Variants in ESRRG observed in about 807,000 individuals in gnomAD.
ESRRG encodes estrogen-related receptor gamma.
ESRRG carries 13 observed loss-of-function variants against 44.0 expected under a neutral mutation model. The ratio of observed to expected loss-of-function variants is 0.30; its 90% CI spans 0.19 to 0.47. The LOEUF is 0.47. Among genes scored for constraint, ESRRG ranks in the 20% least tolerant of loss-of-function variants. The pLI, the probability that ESRRG is intolerant of heterozygous loss-of-function variation, is 1.00. For synonymous variants in ESRRG, 215 were observed against 214.6 expected (o/e 1.00, Z -0.02); for missense variants, 395 against 580.6 (o/e 0.68, Z 3.29).
intron 1 of ESRRG, among the ~76,000 whole-genome samples, chr1:217,040,730 T>G (rs1357425924): frequency 2.0e-5 from 3 of 152,156 alleles, no homozygotes; most frequent in Admixed American, 1.3e-4. Flanking sequence ...GTTCAGTAAT[T>G]TGCCCAATAA....
chr1:216,684,636 G>C (rs1004130016), intron 1 of ESRRG, among the ~76,000 whole-genome samples: 1 of 152,190 alleles, frequency 6.6e-6, no homozygotes, highest in Non-Finnish European at 1.5e-5. Flanking sequence ...TATGAACCGT[G>C]ATTCTGCTTA....
At chr1:216,901,794 C>T (rs1168254606) in intron 2 of ESRRG, among the ~76,000 whole-genome samples, 2 of 151,996 alleles carry the variant, frequency 1.3e-5, no homozygotes, top group East Asian at 3.9e-4. Context: ...GGGTCTCACT[C>T]TGCTGCCCAG....
At chr1:216,989,450 A>AAAC (rs1553757484) in intron 1 of ESRRG, among the ~76,000 whole-genome samples, 27 of 142,550 alleles carry the variant, frequency 1.9e-4, no homozygotes, top group South Asian at 2.2e-4. Context: ...AAAAAAAAAA[A>AAAC]CACAGTGGGA....
intron 1 of ESRRG, among the ~76,000 whole-genome samples, chr1:217,095,145 T>C (rs1288684313): frequency 6.6e-6 from 1 of 152,208 alleles, no homozygotes; most frequent in Non-Finnish European, 1.5e-5. Context: ...GTAAGAATCA[T>C]TTATTTAAAA....
intron 5 of ESRRG, among the ~76,000 whole-genome samples, chr1:216,550,273 T>A (rs915530059): frequency 2.0e-5 from 3 of 152,150 alleles, no homozygotes; most frequent in Non-Finnish European, 4.4e-5. Flanking sequence ...GTTCTGATAT[T>A]TAATGATTGC....
chr1:217,013,448 G>C lies in ESRRG; in HGVS notation c.-105-73775C>G, dbSNP rs190165267. ...AAAATTGCATAACTTTTGTTGTTTT[G>C]CTTCCATGTCCATGGACATTTGAAC... On this transcript the variant is annotated intron_variant, in intron 1 of 7. Coordinates refer to the ESRRG transcript ENST00000359162. Among the ~76,000 whole-genome samples the C allele has an allele frequency of 1.4e-4, 22 of 152,228 alleles. No individual in the cohort carries two copies. In the South Asian group the frequency reaches 4.1e-3, roughly 29 times the overall value.
At chr1:216,786,055 T>A (rs975793304) in intron 2 of ESRRG, among the ~76,000 whole-genome samples, 11 of 152,090 alleles carry the variant, frequency 7.2e-5, no homozygotes, top group Non-Finnish European at 1.5e-4. Context: ...TCCCTAAAGG[T>A]CAGCCACCAG....
At chr1:216,772,210 A>C (rs561886685) in intron 2 of ESRRG, among the ~76,000 whole-genome samples, 1 of 152,280 alleles carries the variant, frequency 6.6e-6, no homozygotes, top group African/African-American at 2.4e-5. Flanking sequence ...TGTTCACACC[A>C]ATAGTAAAAG....
At chr1:216,764,234 C>G (rs1331461346) in intron 2 of ESRRG, among the ~76,000 whole-genome samples, 1 of 148,946 alleles carries the variant, frequency 6.7e-6, no homozygotes, top group Non-Finnish European at 1.5e-5. Context: ...GAGATTGAGT[C>G]TTGCTAGTCT....
At chr1:216,931,594 G>T (rs1353132767) in intron 2 of ESRRG, among the ~76,000 whole-genome samples, 1 of 151,842 alleles carries the variant, frequency 6.6e-6, no homozygotes, top group Non-Finnish European at 1.5e-5. Flanking sequence ...CTCCCAACTG[G>T]CCCAATTGGC....
chr1:217,087,868 A>C (rs1008225216), intron 1 of ESRRG, among the ~76,000 whole-genome samples: 1 of 152,184 alleles, frequency 6.6e-6, no homozygotes, highest in African/African-American at 2.4e-5. Context: ...TTCTATTTGA[A>C]GGAGATGAAA....
chr1:216,658,872 AG>A (rs1429215640), intron 2 of ESRRG, among the ~76,000 whole-genome samples: 2 of 89,992 alleles, frequency 2.2e-5, no homozygotes, highest in African/African-American at 6.4e-5. Context: ...AGAGAAGAGA[AG>A]AGAAGAGAAG....
At chr1:217,063,655 G>A (rs1200522688) in intron 1 of ESRRG, among the ~76,000 whole-genome samples, 1 of 152,152 alleles carries the variant, frequency 6.6e-6, no homozygotes, top group East Asian at 1.9e-4. Flanking sequence ...GCTATCCTGA[G>A]GCAGAAGAGA....
chr1:216,768,497 TCTATA>T (rs1416740996), intron 2 of ESRRG, among the ~76,000 whole-genome samples: 313 of 151,876 alleles, frequency 2.1e-3, no homozygotes, highest in African/African-American at 7.2e-3. Context: ...TATCTATCTA[TCTATA>T]TTTTAGAGGC....
intron 2 of ESRRG, among the ~76,000 whole-genome samples, chr1:216,663,649 A>T (rs1459541544): frequency 1.3e-5 from 2 of 152,124 alleles, no homozygotes; most frequent in Non-Finnish European, 2.9e-5. Flanking sequence ...GAAAAACAAA[A>T]AAAAGAGACC....
chr1:217,073,197 CAAAAAAAAAAAAAAAAA>C (rs34950214), intron 1 of ESRRG, among the ~76,000 whole-genome samples: 16 of 75,980 alleles, frequency 2.1e-4, no homozygotes, highest in East Asian at 6.9e-4. Context: ...CCTTTCTGGA[CAAAAAAAAAAAAAAAAA>C]AAAAAAAAAA....
intron 1 of ESRRG, among the ~76,000 whole-genome samples, chr1:216,709,706 TTGGAGGGA>T (rs2083214071): frequency 1.3e-5 from 2 of 149,050 alleles, no homozygotes; most frequent in African/African-American, 5.0e-5. Context: ...AAAAAAAAAA[TTGGAGGGA>T]GTATGTATAC....
chr1:216,516,680 G>GAGAGAGAGAA (rs1292766095), intron 6 of ESRRG, among the ~76,000 whole-genome samples: 1 of 88,120 alleles, frequency 1.1e-5, no homozygotes, highest in Admixed American at 1.5e-4. Flanking sequence ...GAGAGAGAGA[G>GAGAGAGAGAA]AGAAACGACA....
chr1:216,753,246 T>G (rs368474543), intron 2 of ESRRG, among the ~76,000 whole-genome samples: 7 of 151,630 alleles, frequency 4.6e-5, no homozygotes, highest in South Asian at 2.1e-4. Context: ...ACATGTTTCT[T>G]GTATTCCTGT....
Sources: allele counts gnomAD v4.1 joint callset (sites outside exome capture counted in the v4.1 genomes callset), GRCh38; gene constraint gnomAD v4.1.1; transcripts MANE v1.5; gene names NCBI Gene and HGNC (gene_info 2026-07-23, HGNC 2026-07-21).